Variants in ENDOV observed in about 807,000 individuals in gnomAD.
ENDOV encodes hEndoV.
A neutral mutation model predicts 39.4 loss-of-function variants in ENDOV; 37 were observed. The observed-to-expected ratio is 0.94, with a 90% CI of 0.72 to 1.23. The LOEUF (loss-of-function observed/expected upper bound fraction) is 1.23, where lower values mean the gene tolerates loss of function less well. Ranked by LOEUF, ENDOV falls within the 50% of genes most tolerant of loss-of-function variation. ENDOV has a pLI of 0.00. For synonymous variants in ENDOV, 186 were observed against 163.4 expected (o/e 1.14, Z -1.05); for missense variants, 441 against 375.7 (o/e 1.17, Z -1.44).
chr17:80,415,437 G>C, intron 1 of ENDOV, 187 bp downstream of exon 1: 1 of 992,346 alleles, frequency 1.0e-6, no homozygotes, highest in African/African-American at 1.6e-5. Flanking sequence ...GGTGGGCGCG[G>C]TTCTCGCTTC....
chr17:80,419,553 G>A (rs978609333), intron 2 of ENDOV: 13 of 702,252 alleles, frequency 1.9e-5, no homozygotes, highest in Non-Finnish European at 3.1e-5. Flanking sequence ...GCAGGGAGCT[G>A]ACTCCTACTT....
At chr17:80,420,805 G>A (rs555155782) in intron 2 of ENDOV, among the ~76,000 whole-genome samples, 9 of 152,248 alleles carry the variant, frequency 5.9e-5, no homozygotes, top group Non-Finnish European at 1.2e-4. Flanking sequence ...AGCCTCCCGA[G>A]TAGCTGGGAT....
intron 2 of ENDOV, 177 bp downstream of exon 2, chr17:80,415,998 G>A (rs1055478200): frequency 1.4e-6 from 1 of 700,690 alleles, no homozygotes; most frequent in African/African-American, 1.9e-5. Flanking sequence ...AGCACTTTGG[G>A]AGGCTGAGGC....
chr17:80,436,091 T>C (rs1481197273), intron 9 of ENDOV, 42 bp from the exon 10 acceptor site: 2 of 1,604,070 alleles, frequency 1.2e-6, no homozygotes, highest in Non-Finnish European at 1.7e-6. Context: ...GAACGCCTTT[T>C]ATTTCTTTTT....
intron 2 of ENDOV, chr17:80,418,035 A>G (rs1415373722): frequency 6.6e-6 from 1 of 152,084 alleles, no homozygotes; most frequent in Non-Finnish European, 1.5e-5. Context: ...CTGAGTGCCT[A>G]CTGTGTGCTA....
chr17:80,421,437 G>T (rs1055085601), intron 2 of ENDOV, among the ~76,000 whole-genome samples: 3 of 148,664 alleles, frequency 2.0e-5, no homozygotes, highest in Admixed American at 6.7e-5. Flanking sequence ...TGGGAGTTGG[G>T]GCTCCTCCAG....
chr17:80,415,625 A>G, intron 1 of ENDOV, 25 bp from the exon 2 acceptor site: 21 of 1,607,874 alleles, frequency 1.3e-5, no homozygotes, highest in Non-Finnish European at 1.7e-5. Flanking sequence ...GACCCCGACC[A>G]AGTTTGACGC....
At chr17:80,429,927 G>A (rs2083199073) in intron 9 of ENDOV, 96 bp downstream of exon 9, 3 of 1,600,996 alleles carry the variant, frequency 1.9e-6, no homozygotes, top group South Asian at 2.2e-5. Flanking sequence ...GCAGTAGGGT[G>A]GAACTGGGCA....
Position 80,423,749 on chromosome 17 carries a change from C to G in ENDOV, c.516+117C>G, listed in dbSNP as rs1000559233. ...GCCTGCTGACGCTGCCCTCCTCATC[C>G]CTGGCTTGTGGCCTGGAGTAAGAAA... On this transcript the variant is annotated intron_variant, in intron 5 of 9. Transcript: ENST00000518137. The G allele has an allele frequency of 1.0e-5, 10 of 967,942 alleles. No homozygotes were observed. In the Admixed American group the frequency reaches 2.5e-4, roughly 24 times the overall value. The allele number at this position is 967,942 out of a possible 1,614,324, so 60.0% of individuals were successfully genotyped here.
At chr17:80,416,859 G>A (rs893733991) in intron 2 of ENDOV, 1 of 152,136 alleles carries the variant, frequency 6.6e-6, no homozygotes, top group South Asian at 2.1e-4. Flanking sequence ...CTGGACTCAA[G>A]TGATCCTCCC....
At position 80,415,783 on chromosome 17, in the gene ENDOV, T is replaced by G. The variant is rs1279120802; in HGVS notation, c.190T>G (p.Cys64Gly). The G allele has an allele frequency of 6.9e-6, 11 of 1,603,208 alleles. No individual in the cohort carries two copies. Among genetic ancestry groups the G allele is most frequent in the Non-Finnish European group, 9.4e-6 (11 of 1,175,024 alleles). Residue 64 changes from cysteine (C) to glycine (G), a missense_variant, in exon 2 of 10, where the codon TGT (cysteine) becomes GGT (glycine). Physicochemically the swap from Cys to Gly is radical, Grantham distance 159 (BLOSUM62 -3). Coordinates refer to ENST00000518137, the MANE Select transcript of ENDOV (RefSeq NM_173627.5). ...CGTGAAAGGGGACAGTGTCCGCGCT[T>G]GTGCTTCCCTGGTGGTGCTCAGCTT... is the stretch of plus-strand genomic sequence containing the variant. ...SFVKGDSVRA[C>G]ASLVVLSFPE... is the part of the protein sequence containing the mutation.
At chr17:80,416,074 C>T (rs1440727200) in intron 2 of ENDOV, 1 of 377,110 alleles carries the variant, frequency 2.7e-6, no homozygotes, top group African/African-American at 2.2e-5. Context: ...CCGGTCTCTA[C>T]TAAAAATACA....
rs1026218243 is a variant in ENDOV at position 80,425,639 on chromosome 17, C to T, written c.714+19C>T. The T allele has an allele frequency of 2.0e-5, 31 of 1,563,980 alleles. No homozygotes were observed. Among genetic ancestry groups the T allele is most frequent in the Admixed American group, 1.5e-4 (8 of 54,876 alleles). On this transcript the variant is annotated intron_variant, in intron 7 of 9. Transcript: ENST00000518137. The stretch of plus-strand genomic sequence containing the variant: ...GCGCCAGGTGGGTGTGCTGGGGATG[C>T]GGGGAGGCAGCACAGGCTCCTCTGC...
intron 9 of ENDOV, among the ~76,000 whole-genome samples, chr17:80,432,957 C>T (rs2083417734): frequency 6.6e-6 from 1 of 152,200 alleles, no homozygotes; most frequent in Non-Finnish European, 1.5e-5. Context: ...CACCCAGAGC[C>T]TGGTGTCCAG....
chr17:80,426,669 A>G (rs1205897713), intron 7 of ENDOV, among the ~76,000 whole-genome samples: 1 of 152,210 alleles, frequency 6.6e-6, no homozygotes, highest in African/African-American at 2.4e-5. Flanking sequence ...TTTAAAAAAC[A>G]AAAACTCAGC....
At position 80,430,003 on chromosome 17, in the gene ENDOV, T is replaced by C. The variant is rs1309515794; in HGVS notation, c.838+172T>C. ...TCAGGACACTGACCACCCCTGGGGGTGGTCTAGGGACTTAGGGGAACCTCA... is the reference window on the plus strand; with the variant it reads ...TCAGGACACTGACCACCCCTGGGGGCGGTCTAGGGACTTAGGGGAACCTCA... On this transcript the variant is annotated intron_variant, in intron 9 of 9. Coordinates refer to ENST00000518137, the MANE Select transcript of ENDOV (RefSeq NM_173627.5). The C allele has an allele frequency of 3.3e-6, 5 of 1,537,698 alleles. No homozygotes were observed. In the East Asian group the frequency reaches 9.8e-5, roughly 30 times the overall value.
intron 1 of ENDOV, 45 bp from the exon 2 acceptor site, chr17:80,415,605 T>G (rs1233632201): frequency 6.3e-7 from 1 of 1,594,266 alleles, no homozygotes. Context: ...GGAGGCAGAG[T>G]CTGAGGTGTG....
intron 8 of ENDOV, 125 bp downstream of exon 8, chr17:80,428,785 G>A (rs552637852): frequency 7.9e-6 from 7 of 887,326 alleles, no homozygotes; most frequent in Admixed American, 6.8e-5. Context: ...GCAGGGCCAG[G>A]GAAGGCAGGG....
chr17:80,421,730 G>A, intron 2 of ENDOV, 98 bp from the exon 3 acceptor site: 1 of 1,468,424 alleles, frequency 6.8e-7, no homozygotes, highest in Non-Finnish European at 9.2e-7. Flanking sequence ...GTGACGTAAG[G>A]GAGAGGGAAG....
Sources: gnomAD v4.1 joint callset for allele counts (sites outside exome capture counted in the v4.1 genomes callset) on GRCh38, gnomAD v4.1.1 for gene constraint, MANE v1.5 for transcripts, NCBI Gene and HGNC (gene_info 2026-07-23, HGNC 2026-07-21) for gene names.